Variants in DNAH17 observed in about 807,000 individuals in gnomAD.
The protein encoded by DNAH17 is axonemal beta dynein heavy chain 17.
Under a neutral mutation model 485.6 loss-of-function variants are expected in DNAH17, and 376 were observed. The ratio of observed to expected loss-of-function variants is 0.77; its 90% confidence interval spans 0.71 to 0.84. The LOEUF is 0.84. Ranked by LOEUF, DNAH17 falls within the 40% of genes least tolerant of loss-of-function variation. The probability of loss-of-function intolerance (pLI) is 0.00; values close to 1 mark genes in which losing one functional copy is unlikely to be tolerated. For synonymous variants in DNAH17, 3,031 were observed against 2,405.9 expected (o/e 1.26, Z -7.60); for missense variants, 6,370 against 5,839.3 (o/e 1.09, Z -2.96).
Position 78,539,866 on chromosome 17 carries a change from T to C in DNAH17, c.2547A>G (p.Leu849=), listed in dbSNP as rs7221209. The change falls in exon 18 of 81, where the codon CTA becomes CTG. Residue 849 remains leucine (L), a synonymous_variant. Transcript: ENST00000389840. ...IQAMVAENAE[L]FRADTLSLPW... is the part of the protein sequence containing the mutation. ...GCAGGCTCAGTGTGTCTGCCCTGAA[T>C]AGTTCTGCGTTTTCCTGCAAACAGA... is the stretch of plus-strand genomic sequence containing the variant. 0.76 allele frequency: 1,212,754 copies of C among 1,596,024 alleles called. 461,199 individuals are homozygous for C. The highest frequency in any genetic ancestry group is 0.79 in the African/African-American group (58,174 of 73,988).
intron 24 of DNAH17, among the ~76,000 whole-genome samples, chr17:78,526,024 G>A (rs956990308): frequency 1.3e-5 from 2 of 152,232 alleles, no homozygotes; most frequent in African/African-American, 2.4e-5. Context: ...GGAGCAAAGA[G>A]GAACTGACAA....
intron 44 of DNAH17, 75 bp downstream of exon 44, chr17:78,490,624 G>T (rs2089807162): frequency 1.3e-6 from 2 of 1,506,748 alleles, no homozygotes; most frequent in Non-Finnish European, 8.9e-7. Context: ...GAATGAATAT[G>T]CAACTCTGAA....
rs1488027389 is a variant in DNAH17 at position 78,468,514 on chromosome 17, G to A, written c.8778+103C>T. The A allele has an allele frequency of 1.4e-6, 2 of 1,389,728 alleles. 1 individual carries two copies. Among genetic ancestry groups the A allele is most frequent in the South Asian group, 2.9e-5 (2 of 68,398 alleles). 86.1% of individuals were successfully genotyped at this position (1,389,728 alleles called of 1,614,324 possible). On this transcript the variant is annotated intron_variant, in intron 55 of 80. Coordinates refer to ENST00000389840, the MANE Select transcript of DNAH17 (RefSeq NM_173628.4). ...CTCCTAACAGGATTTCACATCCCAT[G>A]AAGGATCAGTCCTCCTGCTCTATGC...
At position 78,475,357 on chromosome 17, in the gene DNAH17, G is replaced by A. The variant is rs1301044452; in HGVS notation, c.8432C>T (p.Ser2811Phe). Residue 2811 changes from serine to phenylalanine, a missense_variant, in exon 54 of 81, where the codon TCC (serine) becomes TTC (phenylalanine). By Grantham distance (155) the Ser-to-Phe change is radical (BLOSUM62 -2). Coordinates refer to ENST00000389840, the MANE Select transcript of DNAH17 (RefSeq NM_173628.4). ...GVGGSGKQSL[S>F]RLAAYISGLD... is the part of the protein sequence containing the mutation. ...CCCGCTGATGTACGCTGCCAGGCGG[G>A]AGAGGCTCTGTTTGCCACTGCCGCC... is the stretch of plus-strand genomic sequence containing the variant. 3 of 1,614,026 alleles carry A rather than the reference G, an allele frequency of 1.9e-6. No individual in the cohort carries two copies. The Admixed American group carries it at 5.0e-5, about 27-fold the overall frequency.
Position 78,506,832 on chromosome 17 carries a change from T to C in DNAH17, c.4691A>G (p.Glu1564Gly). The change falls in exon 30 of 81, where the codon GAA becomes GGA. Residue 1564 changes from glutamate (E) to glycine (G), a missense_variant. Transcript: ENST00000389840. ...EALKKSLAIC[E>G]KALAEYLETK... ...CTCTAAATACTCTGCCAAAGCCTTTTCACAGATGGCCAAGCTGGGAGGAAG... is the reference window on the plus strand; with the variant it reads ...CTCTAAATACTCTGCCAAAGCCTTTCCACAGATGGCCAAGCTGGGAGGAAG... 6.2e-7 allele frequency: 1 copy of C among 1,613,978 alleles called. No homozygotes were observed. The highest frequency in any genetic ancestry group is 1.3e-5 in the African/African-American group (1 of 75,036).
rs548861004 is a variant in DNAH17, at chr17:78,543,645, G to A, written c.2532+212C>T. The stretch of plus-strand genomic sequence containing the variant: ...TCACCACGTTGGTCAAGCTGGTCTC[G>A]ATCTCCTGACATTAGGTGATCCGCC... On this transcript the variant is annotated intron_variant, in intron 17 of 80. Transcript: ENST00000389840. The A allele has an allele frequency of 1.7e-3, 1,143 of 683,422 alleles. 2 individuals carry two copies. Among genetic ancestry groups the A allele is most frequent in the Non-Finnish European group, 2.3e-3 (925 of 402,528 alleles). 42.3% of individuals were successfully genotyped at this position (683,422 alleles called of 1,614,324 possible).
chr17:78,544,113 G>C, intron 16 of DNAH17, 116 bp from the exon 17 acceptor site: 1 of 1,447,094 alleles, frequency 6.9e-7, no homozygotes, highest in Non-Finnish European at 9.4e-7. Context: ...TCTTGGATTG[G>C]AGTCTAGTTC....
intron 27 of DNAH17, among the ~76,000 whole-genome samples, chr17:78,508,461 G>A (rs2090547845): frequency 6.6e-6 from 1 of 152,182 alleles, no homozygotes; most frequent in African/African-American, 2.4e-5. Context: ...ACTGTGTTTT[G>A]GAGTCTTCCT....
intron 73 of DNAH17, among the ~76,000 whole-genome samples, chr17:78,438,301 T>C (rs769414967): frequency 1.3e-5 from 2 of 148,366 alleles, no homozygotes; most frequent in Non-Finnish European, 3.0e-5. Context: ...GGACAAGCGG[T>C]AGTGAGAAGG....
chr17:78,460,118 C>G, intron 59 of DNAH17, 44 bp downstream of exon 59: 2 of 1,580,220 alleles, frequency 1.3e-6, no homozygotes, highest in Non-Finnish European at 1.7e-6. Context: ...GCAGCTTCCT[C>G]TCCAACCAGG....
chr17:78,570,881 A>AAAG (rs1463763656), intron 6 of DNAH17, 67 bp downstream of exon 6: 8 of 814,308 alleles, frequency 9.8e-6, no homozygotes, highest in Non-Finnish European at 1.3e-5. Flanking sequence ...AAAAAAAAGA[A>AAAG]AAAAGAAAAG....
intron 18 of DNAH17, 55 bp from the exon 19 acceptor site, chr17:78,537,536 TTC>T (rs2091411446): frequency 1.3e-6 from 2 of 1,580,058 alleles, no homozygotes; most frequent in Admixed American, 1.7e-5. Context: ...CATCGGATGA[TTC>T]TCAGTGCCCT....
intron 57 of DNAH17, 21 bp downstream of exon 57, chr17:78,462,822 GC>G (rs1466510064): frequency 6.2e-7 from 1 of 1,612,308 alleles, no homozygotes; most frequent in Non-Finnish European, 8.5e-7. Flanking sequence ...ACAGGAGCTG[GC>G]AGCCAGCCCC....
chr17:78,565,679 C>T (rs1474142498), intron 11 of DNAH17, among the ~76,000 whole-genome samples: 8 of 152,158 alleles, frequency 5.3e-5, no homozygotes, highest in African/African-American at 1.4e-4. Flanking sequence ...GTAGGCCAGG[C>T]GTGGTAGCTC....
At position 78,432,179 on chromosome 17, in the gene DNAH17, AAAAT is replaced by A. The variant is rs569124752; in HGVS notation, c.12225+1846_12225+1849del. Among the ~76,000 whole-genome samples the A allele has an allele frequency of 5.4e-3, 812 of 149,738 alleles. 6 individuals are homozygous for A. The highest frequency in any genetic ancestry group is 0.018 in the African/African-American group (718 of 40,588). ...CAGTTAACAGTGAGGCCCTGTCTCA[AAAAT>A]AAATAAATAAATAAATAAATAAAAT... On this transcript the variant is annotated intron_variant, in intron 75 of 80. Coordinates refer to ENST00000389840, the MANE Select transcript of DNAH17 (RefSeq NM_173628.4).
chr17:78,495,753 G>C (rs368322575), intron 38 of DNAH17, 122 bp downstream of exon 38: 7 of 1,236,040 alleles, frequency 5.7e-6, no homozygotes, highest in Non-Finnish European at 2.2e-6. Flanking sequence ...GGGAGCTTTT[G>C]ATGACTTCTT....
intron 54 of DNAH17, among the ~76,000 whole-genome samples, chr17:78,472,428 C>G (rs1175521536): frequency 6.6e-6 from 1 of 152,106 alleles, no homozygotes; most frequent in Non-Finnish European, 1.5e-5. Context: ...CCCCACCCCA[C>G]CCGATGGCTG....
Position 78,425,246 on chromosome 17 carries a change from C to T in DNAH17, c.13141+100G>A. 2.4e-6 allele frequency: 3 copies of T among 1,237,492 alleles called. No homozygotes were observed. In the South Asian group the frequency reaches 4.1e-5, roughly 17 times the overall value. 76.7% of individuals were successfully genotyped at this position (1,237,492 alleles called of 1,614,324 possible). On this transcript the variant is annotated intron_variant, in intron 80 of 80. Transcript: ENST00000389840. ...ACCTCTCTCCTGCCTGTCCCCACAG[C>T]TCTTGAACAGCCTGTCTTTGCCAAG...
chr17:78,537,266 C>A (rs2091403212), intron 19 of DNAH17, 33 bp downstream of exon 19: 1 of 1,545,048 alleles, frequency 6.5e-7, no homozygotes, highest in Non-Finnish European at 8.8e-7. Flanking sequence ...CAATGGATGA[C>A]CCTGTGTACG....
Sources: gnomAD v4.1 joint callset for allele counts (sites outside exome capture counted in the v4.1 genomes callset) on GRCh38, gnomAD v4.1.1 for gene constraint, MANE v1.5 for transcripts, NCBI Gene and HGNC (gene_info 2026-07-23, HGNC 2026-07-21) for gene names.